Variants in MOV10L1 observed in about 807,000 individuals in gnomAD.
The protein encoded by MOV10L1 is RNA helicase Mov10l1.
Under a neutral mutation model 143.8 loss-of-function variants are expected in MOV10L1, and 110 were observed. The observed-to-expected ratio is 0.76, with a 90% CI of 0.66 to 0.90. MOV10L1 has a LOEUF of 0.90. Among genes scored for constraint, MOV10L1 ranks in the 40% least tolerant of loss-of-function variants. The pLI is 0.00. For missense variants in MOV10L1, 1,406 were observed against 1,526.8 expected (o/e 0.92, Z 1.32); for synonymous variants, 593 against 581.1 (o/e 1.02, Z -0.29).
chr22:50,120,477 TA>T, intron 9 of MOV10L1, 24 bp from the exon 10 acceptor site: 1 of 1,466,112 alleles, frequency 6.8e-7, no homozygotes, highest in Non-Finnish European at 9.5e-7. Flanking sequence ...GACTTATTTT[TA>T]ACTTGTGAAC....
intron 13 of MOV10L1, among the ~76,000 whole-genome samples, chr22:50,129,897 A>G (rs905414665): frequency 2.6e-5 from 4 of 151,970 alleles, no homozygotes; most frequent in East Asian, 1.9e-4. Context: ...TCCAATTTTC[A>G]TTGTTGTGGG....
At chr22:50,094,410 T>C in intron 2 of MOV10L1, 1 of 151,020 alleles carries the variant, frequency 6.6e-6, no homozygotes. Flanking sequence ...TTTTTTTTTT[T>C]TTTTTTTGAG....
chr22:50,136,892 G>C (rs1235972799), intron 15 of MOV10L1, among the ~76,000 whole-genome samples: 3 of 152,194 alleles, frequency 2.0e-5, no homozygotes, highest in Non-Finnish European at 4.4e-5. Context: ...TGTGCCCACA[G>C]CCAGAGAAGA....
At chr22:50,161,146 T>G in intron 26 of MOV10L1, 91 bp downstream of exon 26, 1 of 1,323,956 alleles carries the variant, frequency 7.6e-7, no homozygotes, top group Non-Finnish European at 1.1e-6. Flanking sequence ...CCCATCCACT[T>G]ACCCACCTGC....
chr22:50,144,928 C>T (rs1247934662), intron 18 of MOV10L1, among the ~76,000 whole-genome samples: 5 of 151,496 alleles, frequency 3.3e-5, no homozygotes, highest in Non-Finnish European at 7.4e-5. Flanking sequence ...GGTTATAGAG[C>T]GAAGTATTGC....
chr22:50,106,811 C>G (rs1285870290), intron 3 of MOV10L1, among the ~76,000 whole-genome samples: 4 of 150,532 alleles, frequency 2.7e-5, no homozygotes, highest in Non-Finnish European at 4.4e-5. Context: ...ATGCCATTCT[C>G]CTGCCTCAGC....
At chr22:50,124,141 C>G (rs2062429147) in intron 10 of MOV10L1, among the ~76,000 whole-genome samples, 1 of 152,054 alleles carries the variant, frequency 6.6e-6, no homozygotes, top group African/African-American at 2.4e-5. Context: ...CATCTCTCCT[C>G]TAATCTTTAT....
rs559841855 is a variant in MOV10L1 at position 50,140,342 on chromosome 22, G to A, written c.2071-1739G>A. 2.0e-5 allele frequency among the ~76,000 whole-genome samples: 3 copies of A among 152,310 alleles called. No individual in the cohort carries two copies. In the South Asian group the frequency reaches 6.2e-4, roughly 32 times the overall value. Reference sequence around the variant, plus strand: ...ATTGTGCTGATGGTTTTATGGGTATGTGCACGTCAGACTTGTCAAGTCACA... The same window carrying A: ...ATTGTGCTGATGGTTTTATGGGTATATGCACGTCAGACTTGTCAAGTCACA... On this transcript the variant is annotated intron_variant, in intron 15 of 26. Transcript: ENST00000262794.
At chr22:50,097,166 G>A (rs1429761364) in intron 2 of MOV10L1, among the ~76,000 whole-genome samples, 1 of 152,020 alleles carries the variant, frequency 6.6e-6, no homozygotes, top group Non-Finnish European at 1.5e-5. Flanking sequence ...AGGCTGGAGT[G>A]CAGCAGCACA....
chr22:50,128,916 G>C (rs138246), intron 13 of MOV10L1, among the ~76,000 whole-genome samples: 138,718 of 151,566 alleles, frequency 0.92, 63,495 homozygotes, highest in Admixed American at 0.94. Context: ...ATCCTCCTGC[G>C]TCAGCCTCCC....
chr22:50,140,114 A>G (rs146312887), intron 15 of MOV10L1, among the ~76,000 whole-genome samples: 2 of 152,354 alleles, frequency 1.3e-5, no homozygotes, highest in Non-Finnish European at 2.9e-5. Flanking sequence ...AGCAAGTTGC[A>G]TTGTGTTCGT....
Position 50,115,264 on chromosome 22 carries a change from T to G in MOV10L1, c.1259+18T>G, listed in dbSNP as rs780094111. 4.0e-6 allele frequency: 6 copies of G among 1,484,370 alleles called. No homozygotes were observed. Among genetic ancestry groups the G allele is most frequent in the African/African-American group, 1.5e-5 (1 of 67,796 alleles). The allele number at this position is 1,484,370 out of a possible 1,614,324, so 91.9% of individuals were successfully genotyped here. A position where few individuals can be genotyped will look rare whatever the true frequency, so the allele number is the denominator to read the frequency against. Reference sequence around the variant, plus strand: ...GACGGAAAGTAAGGGCCTGGAGGTCTGGGGAGAGCCGCGTTTTTAAGTTTC... The same window carrying G: ...GACGGAAAGTAAGGGCCTGGAGGTCGGGGGAGAGCCGCGTTTTTAAGTTTC... On this transcript the variant is annotated intron_variant, in intron 8 of 26. Coordinates refer to ENST00000262794, the MANE Select transcript of MOV10L1 (RefSeq NM_018995.3).
chr22:50,104,117 G>A (rs551294558), intron 3 of MOV10L1, among the ~76,000 whole-genome samples: 13 of 152,204 alleles, frequency 8.5e-5, no homozygotes, highest in Admixed American at 7.2e-4. Context: ...TCGCATGCAC[G>A]GTTCACAATA....
In MOV10L1 at chr22:50,125,587, A is replaced by C; in HGVS notation, c.1747+18A>C. The C allele has an allele frequency of 6.2e-7, 1 of 1,611,396 alleles. No homozygotes were observed. Among genetic ancestry groups the C allele is most frequent in the Non-Finnish European group, 8.5e-7 (1 of 1,178,424 alleles). On this transcript the variant is annotated intron_variant, in intron 11 of 26. Transcript: ENST00000262794. Reference sequence around the variant, plus strand: ...CTACGCAGGTGTGTTTGTTACTCATATGCTTCCCTGGGTGGACTAGCAGAG... The same window carrying C: ...CTACGCAGGTGTGTTTGTTACTCATCTGCTTCCCTGGGTGGACTAGCAGAG...
intron 6 of MOV10L1, 74 bp from the exon 7 acceptor site, chr22:50,114,307 T>C (rs4240525): frequency 0.24 from 366,532 of 1,532,024 alleles, 45,476 homozygotes; most frequent in Admixed American, 0.39. Context: ...AGATTAGGTT[T>C]TGTGTTTTAT....
chr22:50,114,953 T>C (rs2062129864), intron 7 of MOV10L1, among the ~76,000 whole-genome samples, 161 bp from the exon 8 acceptor site: 1 of 152,226 alleles, frequency 6.6e-6, no homozygotes, highest in Non-Finnish European at 1.5e-5. Flanking sequence ...CTGCTCTCTC[T>C]CTTTATGTTT....
intron 19 of MOV10L1, among the ~76,000 whole-genome samples, chr22:50,146,121 A>C (rs571139840): frequency 6.6e-6 from 1 of 151,582 alleles, no homozygotes; most frequent in South Asian, 2.1e-4. Flanking sequence ...CGTGAGCAGG[A>C]ACGGCCTGAA....
At chr22:50,107,431 G>A (rs2061902518) in intron 3 of MOV10L1, among the ~76,000 whole-genome samples, 1 of 152,046 alleles carries the variant, frequency 6.6e-6, no homozygotes, top group South Asian at 2.1e-4. Flanking sequence ...TGCTATTTGT[G>A]CTGTTACGTG....
In MOV10L1 at chr22:50,154,210, C is replaced by T. The variant is rs148160369; in HGVS notation, c.3066+992C>T. 3.9e-4 allele frequency among the ~76,000 whole-genome samples: 60 copies of T among 152,238 alleles called. No homozygotes were observed. In the Middle Eastern group the frequency reaches 0.01, roughly 26 times the overall value. On this transcript the variant is annotated intron_variant, in intron 22 of 26. Transcript: ENST00000262794. ...AGGTCCCTCCCCTGCAGTGGTCTCC[C>T]GCCATCTGTCCTGCTAGCTCTGCCC...
Sources: gnomAD v4.1 joint callset for allele counts (sites outside exome capture counted in the v4.1 genomes callset) on GRCh38, gnomAD v4.1.1 for gene constraint, MANE v1.5 for transcripts, NCBI Gene and HGNC (gene_info 2026-07-23, HGNC 2026-07-21) for gene names.